The following RAB21 variants were observed in gnomAD, a reference collection of about 807,000 sequenced individuals.
RAB21 encodes the protein RAB21, member RAS oncogene family.
A neutral mutation model predicts 33.1 loss-of-function variants in RAB21; 13 were observed. That is an observed-to-expected ratio of 0.39 (90% CI 0.26 to 0.62). The LOEUF (loss-of-function observed/expected upper bound fraction) is 0.62, where lower values mean the gene tolerates loss of function less well. RAB21 is among the 20% of genes least tolerant of loss of function. The pLI is 0.48. For synonymous variants in RAB21, 91 were observed against 103.7 expected (o/e 0.88, Z 0.74); for missense variants, 234 against 279.1 (o/e 0.84, Z 1.15).
At chr12:71,764,162 G>A (rs1406991167) in intron 1 of RAB21, among the ~76,000 whole-genome samples, 2 of 152,134 alleles carry the variant, frequency 1.3e-5, no homozygotes, top group African/African-American at 4.8e-5. Flanking sequence ...TTACTGAGAT[G>A]TTGCCAGGCA....
At position 71,796,941 on chromosome 12, in the gene RAB21, T is replaced by G. The variant is rs1883470830; in HGVS notation, c.*11268T>G. 6.6e-6 allele frequency: 1 copy of G among 152,226 alleles called. No individual in the cohort carries two copies. The highest frequency in any genetic ancestry group is 1.5e-5 in the Non-Finnish European group (1 of 68,024). The allele number at this position is 152,226 out of a possible 1,614,324, so 9.4% of individuals were successfully genotyped here. On this transcript the variant is annotated 3_prime_UTR_variant, in exon 7 of 7. Transcript: ENST00000261263. ...GCGATAGAATGGAATAATCTCTTTT[T>G]AGAAGTAAATTAGTTTTTATTTCAT...
At chr12:71,764,482 A>G (rs182832943) in intron 1 of RAB21, among the ~76,000 whole-genome samples, 82 of 152,136 alleles carry the variant, frequency 5.4e-4, no homozygotes, top group African/African-American at 1.8e-3. Context: ...TTATTTCAAT[A>G]GTTTTTGGGG....
intron 4 of RAB21, among the ~76,000 whole-genome samples, chr12:71,774,756 T>TA (rs34870844): frequency 0.36 from 48,335 of 133,760 alleles, 12,355 homozygotes; most frequent in African/African-American, 0.74. Flanking sequence ...GACTGTGTCT[T>TA]AAAAAAAAAA....
intron 4 of RAB21, among the ~76,000 whole-genome samples, chr12:71,777,737 A>G (rs1324078485): frequency 6.6e-6 from 1 of 152,144 alleles, no homozygotes; most frequent in Non-Finnish European, 1.5e-5. Context: ...TATGTGGCCT[A>G]CCTTCCAGAC....
At position 71,799,533 on chromosome 12, in the gene RAB21, G is replaced by C. The variant is rs1883510511; in HGVS notation, c.*13860G>C. 6.6e-6 allele frequency: 1 copy of C among 152,100 alleles called. No individual in the cohort carries two copies. The highest frequency in any genetic ancestry group is 6.6e-5 in the Admixed American group (1 of 15,264). 9.4% of individuals were successfully genotyped at this position (152,100 alleles called of 1,614,324 possible). A position where few individuals can be genotyped will look rare whatever the true frequency, so the allele number is the denominator to read the frequency against. ...TATGAAGGAAATGAGTTTGTACAAC[G>C]TTTTTCAATGCAGTATTGTTTGTAA... On this transcript the variant is annotated 3_prime_UTR_variant, in exon 7 of 7. Transcript: ENST00000261263.
intron 4 of RAB21, among the ~76,000 whole-genome samples, chr12:71,774,810 T>C (rs1358224081): frequency 6.6e-6 from 1 of 151,132 alleles, no homozygotes. Flanking sequence ...TTCCAGGAGA[T>C]TCAAACTCTA....
chr12:71,756,792 A>AT (rs1296903543), intron 1 of RAB21, among the ~76,000 whole-genome samples: 2 of 152,226 alleles, frequency 1.3e-5, no homozygotes, highest in African/African-American at 4.8e-5. Flanking sequence ...AATAGCTAAC[A>AT]TTTAGTGAGT....
chr12:71,763,642 G>A (rs10879334), intron 1 of RAB21, among the ~76,000 whole-genome samples: 147,514 of 152,260 alleles, frequency 0.97, 71,628 homozygotes, highest in Middle Eastern at 1. Flanking sequence ...AGCATAGAAG[G>A]TGAAATAATT....
rs1456189802 is a variant in RAB21 at position 71,785,715 on chromosome 12, G to T, written c.*42G>T. On this transcript the variant is annotated 3_prime_UTR_variant, in exon 7 of 7. Coordinates refer to ENST00000261263, the MANE Select transcript of RAB21 (RefSeq NM_014999.4). ...AATTAAAAGACAGAACAAAACTGTG[G>T]ATCATTGCCCTCAACATGAAGACTG... is the stretch of plus-strand genomic sequence containing the variant. The T allele has an allele frequency of 6.2e-7, 1 of 1,608,554 alleles. No individual in the cohort carries two copies. Among genetic ancestry groups the T allele is most frequent in the Non-Finnish European group, 8.5e-7 (1 of 1,175,668 alleles).
intron 3 of RAB21, among the ~76,000 whole-genome samples, chr12:71,772,795 C>G (rs1480405826): frequency 6.6e-6 from 1 of 151,990 alleles, no homozygotes; most frequent in East Asian, 1.9e-4. Context: ...GTGAATGAAA[C>G]AAAAAGGTGG....
At chr12:71,784,497 A>C (rs1883251139) in intron 6 of RAB21, among the ~76,000 whole-genome samples, 2 of 151,282 alleles carry the variant, frequency 1.3e-5, no homozygotes, top group Admixed American at 6.6e-5. Flanking sequence ...TAAGATGTTA[A>C]GGTGTGGGTT....
rs1367376663 is a variant in RAB21 at position 71,789,313 on chromosome 12, A to C, written c.*3640A>C. 1 of 152,108 alleles carries C rather than the reference A, an allele frequency of 6.6e-6. No individual in the cohort carries two copies. The highest frequency in any genetic ancestry group is 2.4e-5 in the African/African-American group (1 of 41,454). 9.4% of individuals were successfully genotyped at this position (152,108 alleles called of 1,614,324 possible). A position where few individuals can be genotyped will look rare whatever the true frequency, so the allele number is the denominator to read the frequency against. Reference sequence around the variant, plus strand: ...TGTGATACTGTTTATTTCTTTAATTATATAATTTGCAATTTTCTGTATTAT... The same window carrying C: ...TGTGATACTGTTTATTTCTTTAATTCTATAATTTGCAATTTTCTGTATTAT... On this transcript the variant is annotated 3_prime_UTR_variant, in exon 7 of 7. Coordinates refer to ENST00000261263, the MANE Select transcript of RAB21 (RefSeq NM_014999.4).
In RAB21 at chr12:71,794,984, G is replaced by C. The variant is rs1883448590; in HGVS notation, c.*9311G>C. On this transcript the variant is annotated 3_prime_UTR_variant, in exon 7 of 7. Transcript: ENST00000261263. The stretch of plus-strand genomic sequence containing the variant: ...AACTAGATGTCGAATTATTTTCATA[G>C]TAATCACCATGTGTAAGCAATTCTC... The C allele has an allele frequency of 6.6e-6, 1 of 151,826 alleles. No individual in the cohort carries two copies. Among genetic ancestry groups the C allele is most frequent in the Non-Finnish European group, 1.5e-5 (1 of 67,972 alleles). 9.4% of individuals were successfully genotyped at this position (151,826 alleles called of 1,614,324 possible).
rs561582206 is a variant in RAB21, at chr12:71,800,229, A to T, written c.*14556A>T. On this transcript the variant is annotated 3_prime_UTR_variant, in exon 7 of 7. Transcript: ENST00000261263. Reference sequence around the variant, plus strand: ...TCCCTCCCATTCCTGCTTTCTTTAAACTATAGTTTAGTTTGAATTTTCTAT... The same window carrying T: ...TCCCTCCCATTCCTGCTTTCTTTAATCTATAGTTTAGTTTGAATTTTCTAT... 3.7e-4 allele frequency: 56 copies of T among 152,174 alleles called. No individual in the cohort carries two copies. The highest frequency in any genetic ancestry group is 3.4e-3 in the Admixed American group (52 of 15,290). 9.4% of individuals were successfully genotyped at this position (152,174 alleles called of 1,614,324 possible).
intron 4 of RAB21, among the ~76,000 whole-genome samples, chr12:71,781,130 A>G (rs1460493854): frequency 6.6e-6 from 1 of 152,216 alleles, no homozygotes; most frequent in African/African-American, 2.4e-5. Flanking sequence ...TGATATACAT[A>G]TATTAAGTTT....
At chr12:71,768,573 C>A (rs995093594) in intron 1 of RAB21, among the ~76,000 whole-genome samples, 1 of 151,964 alleles carries the variant, frequency 6.6e-6, no homozygotes, top group African/African-American at 2.4e-5. Context: ...ATATTTTTCT[C>A]CAATTTTGTA....
At chr12:71,774,650 G>A (rs528138413) in intron 4 of RAB21, among the ~76,000 whole-genome samples, 2 of 151,994 alleles carry the variant, frequency 1.3e-5, no homozygotes, top group Admixed American at 1.3e-4. Context: ...CCAGCTACTT[G>A]GGAGGCAGAG....
intron 4 of RAB21, among the ~76,000 whole-genome samples, chr12:71,778,443 T>C (rs1883151950): frequency 6.6e-6 from 1 of 152,162 alleles, no homozygotes; most frequent in Non-Finnish European, 1.5e-5. Flanking sequence ...ATTTTACAGA[T>C]GAAAAAATGT....
rs918485769 is a variant in RAB21 at position 71,792,718 on chromosome 12, A to G, written c.*7045A>G. On this transcript the variant is annotated 3_prime_UTR_variant, in exon 7 of 7. Transcript: ENST00000261263. The stretch of plus-strand genomic sequence containing the variant: ...CTGTATGCCCAGTGCACAAACTGCT[A>G]TGTGCCCAGTGTACATACATGGGAG... The G allele has an allele frequency of 5.9e-5, 9 of 152,196 alleles. No individual in the cohort carries two copies. The highest frequency in any genetic ancestry group is 1.4e-4 in the African/African-American group (6 of 41,456). The allele number at this position is 152,196 out of a possible 1,614,324, so 9.4% of individuals were successfully genotyped here. A position where few individuals can be genotyped will look rare whatever the true frequency, so the allele number is the denominator to read the frequency against.
Sources: allele counts gnomAD v4.1 joint callset (sites outside exome capture counted in the v4.1 genomes callset), GRCh38; gene constraint gnomAD v4.1.1; transcripts MANE v1.5; gene names NCBI Gene and HGNC (gene_info 2026-07-23, HGNC 2026-07-21).